The following TLN2 variants were observed in gnomAD, a reference collection of about 807,000 sequenced individuals.
TLN2 encodes talin-2.
TLN2 carries 118 observed loss-of-function variants against 294.7 expected under a neutral mutation model. That is an observed-to-expected ratio of 0.40 (90% CI 0.34 to 0.47). TLN2 has a LOEUF of 0.47. Among genes scored for constraint, TLN2 ranks in the 20% least tolerant of loss-of-function variants. The pLI, the probability that TLN2 is intolerant of heterozygous loss-of-function variation, is 0.84. For missense variants in TLN2, 3,083 were observed against 3,282.2 expected (o/e 0.94, Z 1.48); for synonymous variants, 1,431 against 1,304.5 (o/e 1.10, Z -2.09).
Position 62,397,958 on chromosome 15 carries a change from A to G in TLN2, c.-238+7273A>G, listed in dbSNP as rs114472266. On this transcript the variant is annotated intron_variant, in intron 1 of 58. Coordinates refer to ENST00000636159, the MANE Select transcript of TLN2 (RefSeq NM_015059.3). ...TTAATGTGATTTTTGTAATCTTGATAGAACTGATGAGTTCTATGGAGAACC... is the reference window on the plus strand; with the variant it reads ...TTAATGTGATTTTTGTAATCTTGATGGAACTGATGAGTTCTATGGAGAACC... 7.7e-3 allele frequency among the ~76,000 whole-genome samples: 1,165 copies of G among 152,272 alleles called. 14 individuals carry two copies. Among genetic ancestry groups the G allele is most frequent in the African/African-American group, 0.026 (1,085 of 41,558 alleles).
chr15:62,483,539 A>G (rs891948643), intron 1 of TLN2, among the ~76,000 whole-genome samples: 2 of 152,218 alleles, frequency 1.3e-5, no homozygotes, highest in Non-Finnish European at 2.9e-5. Flanking sequence ...TGTGAAATGC[A>G]AATCATCAAA....
chr15:62,624,922 C>T (rs575234322), intron 3 of TLN2, among the ~76,000 whole-genome samples: 29 of 152,294 alleles, frequency 1.9e-4, no homozygotes, highest in African/African-American at 5.3e-4. Flanking sequence ...TGCCTTGGTT[C>T]GCTGGAGCAT....
At chr15:62,825,044 A>T (rs975592537) in intron 54 of TLN2, among the ~76,000 whole-genome samples, 4 of 152,120 alleles carry the variant, frequency 2.6e-5, no homozygotes, top group African/African-American at 9.7e-5. Flanking sequence ...AACATCAGAG[A>T]GGTGATGACA....
intron 57 of TLN2, among the ~76,000 whole-genome samples, chr15:62,837,829 A>T (rs139141714): frequency 4.6e-5 from 7 of 152,218 alleles, no homozygotes; most frequent in Non-Finnish European, 8.8e-5. Flanking sequence ...CATAGTTTGC[A>T]TTGGTCACTT....
chr15:62,522,530 G>C (rs1017800165), intron 1 of TLN2, among the ~76,000 whole-genome samples: 6 of 152,188 alleles, frequency 3.9e-5, no homozygotes, highest in Non-Finnish European at 8.8e-5. Flanking sequence ...TGAGCTTTTT[G>C]CAGTTACCTG....
At chr15:62,569,156 G>A (rs948734261) in intron 1 of TLN2, among the ~76,000 whole-genome samples, 19 of 152,148 alleles carry the variant, frequency 1.2e-4, no homozygotes, top group African/African-American at 3.9e-4. Flanking sequence ...CTCTTCTAAG[G>A]TCGCTTCTCA....
intron 1 of TLN2, among the ~76,000 whole-genome samples, chr15:62,408,109 A>G (rs1300948739): frequency 6.6e-6 from 1 of 152,090 alleles, no homozygotes; most frequent in East Asian, 1.9e-4. Context: ...CCGTTAGTGG[A>G]AAATAAATCT....
rs771276314 is a variant in TLN2, at chr15:62,647,458, G to A, written c.136+12G>A. 4.3e-6 allele frequency: 7 copies of A among 1,612,304 alleles called. No homozygotes were observed. In the South Asian group the frequency reaches 6.6e-5, roughly 15 times the overall value. On this transcript the variant is annotated intron_variant, in intron 4 of 58. Coordinates refer to ENST00000636159, the MANE Select transcript of TLN2 (RefSeq NM_015059.3). ...ACAAACTGGGCAAGGTAGGTCATGG[G>A]TTATTTACTGGCTTCTTAAAACGTG... is the stretch of plus-strand genomic sequence containing the variant.
chr15:62,447,579 C>T (rs1275740034), intron 1 of TLN2, among the ~76,000 whole-genome samples: 3 of 151,500 alleles, frequency 2.0e-5, no homozygotes, highest in Non-Finnish European at 4.4e-5. Flanking sequence ...CTGCAAGCTC[C>T]GCCTCCTGGG....
intron 1 of TLN2, among the ~76,000 whole-genome samples, chr15:62,412,263 G>A (rs1283504082): frequency 3.3e-5 from 5 of 152,148 alleles, no homozygotes; most frequent in Non-Finnish European, 7.4e-5. Flanking sequence ...TAGAGGACTG[G>A]GACACCTGTC....
At chr15:62,456,976 C>A (rs1309095480) in intron 1 of TLN2, among the ~76,000 whole-genome samples, 4 of 152,188 alleles carry the variant, frequency 2.6e-5, no homozygotes, top group African/African-American at 9.7e-5. Context: ...TCGTGCCTCA[C>A]AAGCTACTTT....
chr15:62,763,992 G>T (rs1294398146), intron 40 of TLN2, among the ~76,000 whole-genome samples: 10 of 152,180 alleles, frequency 6.6e-5, no homozygotes, highest in East Asian at 1.9e-4. Flanking sequence ...GGTACGGTGG[G>T]TACCGTGTTT....
At chr15:62,522,212 C>G (rs2040495843) in intron 1 of TLN2, among the ~76,000 whole-genome samples, 1 of 152,092 alleles carries the variant, frequency 6.6e-6, no homozygotes. Flanking sequence ...GTGAGACCCT[C>G]AAGGATCGAA....
intron 41 of TLN2, among the ~76,000 whole-genome samples, chr15:62,770,408 C>T (rs1196300777): frequency 6.6e-6 from 1 of 152,152 alleles, no homozygotes; most frequent in African/African-American, 2.4e-5. Context: ...TCGGGATAAG[C>T]TTTTTTTGTT....
At chr15:62,399,706 GC>G (rs2032875500) in intron 1 of TLN2, among the ~76,000 whole-genome samples, 1 of 152,212 alleles carries the variant, frequency 6.6e-6, no homozygotes, top group Admixed American at 6.5e-5. Context: ...CTTGCATGGG[GC>G]CTGGAGCCCC....
intron 24 of TLN2, 149 bp from the exon 25 acceptor site, chr15:62,719,618 C>G (rs2059998935): frequency 1.9e-6 from 1 of 530,160 alleles, no homozygotes; most frequent in Non-Finnish European, 3.3e-6. Context: ...ACCCAGCTGG[C>G]TTAATGTGCA....
At chr15:62,485,497 C>T (rs2038340081) in intron 1 of TLN2, among the ~76,000 whole-genome samples, 1 of 152,198 alleles carries the variant, frequency 6.6e-6, no homozygotes, top group South Asian at 2.1e-4. Flanking sequence ...GACATGAGAA[C>T]AGGAGTCATC....
rs1458775225 is a variant in TLN2, at chr15:62,835,651, G to T, written c.7129-86G>T. ...GAGGCACCAAGCGGGGTACAAGTCTGGTTCCCGAGCAAGGTCTGGGGATGA... is the reference window on the plus strand; with the variant it reads ...GAGGCACCAAGCGGGGTACAAGTCTTGTTCCCGAGCAAGGTCTGGGGATGA... On this transcript the variant is annotated intron_variant, in intron 55 of 58. Coordinates refer to ENST00000636159, the MANE Select transcript of TLN2 (RefSeq NM_015059.3). 2.0e-6 allele frequency: 3 copies of T among 1,481,802 alleles called. No homozygotes were observed. The East Asian group carries it at 6.8e-5, about 34-fold the overall frequency. The allele number at this position is 1,481,802 out of a possible 1,614,324, so 91.8% of individuals were successfully genotyped here.
chr15:62,696,187 G>C (rs1006059872), intron 14 of TLN2, among the ~76,000 whole-genome samples: 1 of 152,094 alleles, frequency 6.6e-6, no homozygotes, highest in Admixed American at 6.5e-5. Flanking sequence ...CGTGGCTATC[G>C]AGCCTTGCTC....
Sources: allele counts gnomAD v4.1 joint callset (sites outside exome capture counted in the v4.1 genomes callset), GRCh38; gene constraint gnomAD v4.1.1; transcripts MANE v1.5; gene names NCBI Gene and HGNC (gene_info 2026-07-23, HGNC 2026-07-21).